CCDC7: variants seen among roughly 807,000 people sequenced by gnomAD.
CCDC7 encodes the protein coiled-coil domain containing 7.
Under a neutral mutation model 196.9 loss-of-function variants are expected in CCDC7, and 183 were observed. The observed-to-expected ratio is 0.93, with a 90% CI of 0.82 to 1.05. The LOEUF (loss-of-function observed/expected upper bound fraction) is 1.05, where lower values mean the gene tolerates loss of function less well. Among genes scored for constraint, CCDC7 ranks in the 50% least tolerant of loss-of-function variants. The probability of loss-of-function intolerance (pLI) is 0.00; values close to 1 mark genes in which losing one functional copy is unlikely to be tolerated. For synonymous variants in CCDC7, 525 were observed against 484.6 expected (o/e 1.08, Z -1.10); for missense variants, 1,540 against 1,482.2 (o/e 1.04, Z -0.64).
At chr10:32,678,749 A>G (rs371464434) in intron 21 of CCDC7, among the ~76,000 whole-genome samples, 60 of 152,184 alleles carry the variant, frequency 3.9e-4, no homozygotes, top group African/African-American at 1.4e-3. Flanking sequence ...CTCTCTTGGC[A>G]CTGTGCTGTG....
chr10:32,449,948 G>A (rs118008306), upstream of CCDC7, among the ~76,000 whole-genome samples: 1,206 of 152,258 alleles, frequency 7.9e-3, 7 homozygotes, highest in Middle Eastern at 0.02. Flanking sequence ...GTGCCTTGTC[G>A]TTGGACTTTC....
intron 21 of CCDC7, among the ~76,000 whole-genome samples, chr10:32,667,753 G>C (rs933408288): frequency 6.6e-6 from 1 of 152,166 alleles, no homozygotes; most frequent in Non-Finnish European, 1.5e-5. Context: ...CCAGCACCAT[G>C]CTCTTTTGGT....
intron 40 of CCDC7, among the ~76,000 whole-genome samples, chr10:32,852,483 A>AT (rs976926568): frequency 6.6e-6 from 1 of 151,952 alleles, no homozygotes; most frequent in Non-Finnish European, 1.5e-5. Context: ...TTGAGTTTGA[A>AT]TTTTTTTTAT....
intron 8 of CCDC7, among the ~76,000 whole-genome samples, chr10:32,490,963 G>A (rs2042058773): frequency 6.6e-6 from 1 of 152,148 alleles, no homozygotes; most frequent in African/African-American, 2.4e-5. Context: ...CTCTCTCAAA[G>A]TAAAGCCTCT....
At chr10:32,610,439 T>A (rs2061989748) in intron 18 of CCDC7, among the ~76,000 whole-genome samples, 1 of 152,156 alleles carries the variant, frequency 6.6e-6, no homozygotes, top group Non-Finnish European at 1.5e-5. Flanking sequence ...TTTTTTATTG[T>A]ACTTAAAGTT....
chr10:32,509,123 A>G (rs1471038491), intron 9 of CCDC7, among the ~76,000 whole-genome samples: 3 of 152,112 alleles, frequency 2.0e-5, no homozygotes, highest in Non-Finnish European at 4.4e-5. Flanking sequence ...GGCCTGAGCC[A>G]CTGCACCTGG....
chr10:32,489,763 A>G (rs938117115), intron 8 of CCDC7, among the ~76,000 whole-genome samples: 61 of 152,086 alleles, frequency 4.0e-4, no homozygotes, highest in Non-Finnish European at 5.3e-4. Context: ...GGGTGGGGCT[A>G]GCCCTCAGTG....
intron 20 of CCDC7, among the ~76,000 whole-genome samples, chr10:32,642,852 A>T (rs957220): frequency 0.34 from 52,378 of 152,146 alleles, 11,429 homozygotes; most frequent in Non-Finnish European, 0.49. Context: ...TAGAGTATGG[A>T]TGATGAATTA....
intron 25 of CCDC7, among the ~76,000 whole-genome samples, chr10:32,725,192 A>AT (rs1400500004): frequency 2.0e-5 from 3 of 152,030 alleles, no homozygotes; most frequent in African/African-American, 7.2e-5. Context: ...TTTTGTATGT[A>AT]TATATCCTTT....
At chr10:32,469,717 C>A (rs1349907462) in intron 5 of CCDC7, among the ~76,000 whole-genome samples, 2 of 152,136 alleles carry the variant, frequency 1.3e-5, no homozygotes, top group Non-Finnish European at 2.9e-5. Flanking sequence ...GGAAGCCATC[C>A]ATCAGGTGAT....
chr10:32,470,951 A>G, intron 5 of CCDC7, 113 bp from the exon 7 acceptor site: 1 of 1,042,192 alleles, frequency 9.6e-7, no homozygotes, highest in Non-Finnish European at 1.3e-6. Flanking sequence ...ATAGCTATAG[A>G]TAAGAAAAAT....
chr10:32,533,279 A>ACACACAC (rs1589608702), intron 11 of CCDC7, among the ~76,000 whole-genome samples: 4 of 150,722 alleles, frequency 2.7e-5, no homozygotes, highest in Non-Finnish European at 4.4e-5. Context: ...ACACACACAC[A>ACACACAC]ATTCTACACT....
At chr10:32,505,643 T>A (rs1480903215) in intron 9 of CCDC7, among the ~76,000 whole-genome samples, 2 of 151,930 alleles carry the variant, frequency 1.3e-5, no homozygotes, top group African/African-American at 4.8e-5. Context: ...CCCCTTTTCT[T>A]TTCGACAAAA....
Position 32,726,849 on chromosome 10 carries a change from T to C in CCDC7, c.2668+17T>C. ...GGCGTAATAGTAAGTGTAGTAATTATAGATGACTTTAAATTATTTTAAAAT... is the reference window on the plus strand; with the variant it reads ...GGCGTAATAGTAAGTGTAGTAATTACAGATGACTTTAAATTATTTTAAAAT... On this transcript the variant is annotated intron_variant, in intron 26 of 41. Transcript: ENST00000639629. 1.4e-6 allele frequency: 2 copies of C among 1,401,146 alleles called. No homozygotes were observed. The highest frequency in any genetic ancestry group is 2.0e-6 in the Non-Finnish European group (2 of 1,012,378). The allele number at this position is 1,401,146 out of a possible 1,614,324, so 86.8% of individuals were successfully genotyped here.
At position 32,871,026 on chromosome 10, in the gene CCDC7, T is replaced by C. The variant is rs1279894471; in HGVS notation, c.4112-5321T>C. On this transcript the variant is annotated intron_variant, in intron 41 of 41. Transcript: ENST00000639629. ...ATTTTATTGAGGATTTTTGCATGAA[T>C]GTTCATCAGGGATATTGGTCTAAAA... Among the ~76,000 whole-genome samples the C allele has an allele frequency of 3.3e-5, 5 of 152,196 alleles. No homozygotes were observed. In the East Asian group the frequency reaches 9.6e-4, roughly 29 times the overall value.
At chr10:32,674,321 C>T (rs566564961) in intron 21 of CCDC7, among the ~76,000 whole-genome samples, 39 of 151,862 alleles carry the variant, frequency 2.6e-4, no homozygotes, top group African/African-American at 7.7e-4. Context: ...TTTCTAATTT[C>T]CCTTTTGATT....
At chr10:32,700,933 T>C (rs540969196) in intron 24 of CCDC7, among the ~76,000 whole-genome samples, 1 of 152,226 alleles carries the variant, frequency 6.6e-6, no homozygotes, top group Admixed American at 6.5e-5. Context: ...TGAAGTTGCT[T>C]ATCAGCTTAA....
chr10:32,788,212 C>A (rs1565504112), intron 29 of CCDC7, among the ~76,000 whole-genome samples: 2 of 152,244 alleles, frequency 1.3e-5, no homozygotes, highest in East Asian at 3.9e-4. Context: ...CCTAAGCTGG[C>A]CCCTGAAAAC....
At chr10:32,819,053 T>G (rs1442254612) in intron 31 of CCDC7, among the ~76,000 whole-genome samples, 1 of 151,828 alleles carries the variant, frequency 6.6e-6, no homozygotes, top group African/African-American at 2.4e-5. Context: ...ATCAACAAAA[T>G]TGATAGACCA....
Sources: allele counts gnomAD v4.1 joint callset (sites outside exome capture counted in the v4.1 genomes callset), GRCh38; gene constraint gnomAD v4.1.1; transcripts MANE v1.5; gene names NCBI Gene and HGNC (gene_info 2026-07-23, HGNC 2026-07-21).